Variants in LRRIQ1 observed in about 807,000 individuals in gnomAD.
LRRIQ1 encodes leucine-rich repeat- and IQ domain-containing protein 1.
A neutral mutation model predicts 211.9 loss-of-function variants in LRRIQ1; 210 were observed. The ratio of observed to expected loss-of-function variants is 0.99; its 90% CI spans 0.89 to 1.11. The LOEUF is 1.11. LRRIQ1 is among the 50% of genes most tolerant of loss of function. The pLI is 0.00. For missense variants in LRRIQ1, 2,136 were observed against 1,939.5 expected (o/e 1.10, Z -1.90); for synonymous variants, 699 against 650.1 (o/e 1.08, Z -1.14).
At chr12:85,073,234 A>G in intron 11 of LRRIQ1, 136 bp downstream of exon 11, 2 of 559,192 alleles carry the variant, frequency 3.6e-6, no homozygotes, top group Non-Finnish European at 6.0e-6. Flanking sequence ...TTTTCACAAA[A>G]TAAGCTTTAT....
chr12:85,103,180 C>T (rs1886518363), intron 13 of LRRIQ1, among the ~76,000 whole-genome samples: 1 of 150,156 alleles, frequency 6.7e-6, no homozygotes, highest in Admixed American at 6.7e-5. Context: ...TTTTTAATAT[C>T]ACTATTTTTG....
At chr12:85,227,637 C>T (rs1894727483) in intron 24 of LRRIQ1, among the ~76,000 whole-genome samples, 1 of 152,108 alleles carries the variant, frequency 6.6e-6, no homozygotes, top group African/African-American at 2.4e-5. Flanking sequence ...CATCAAGCTA[C>T]CAATGACTTT....
At chr12:85,260,527 C>T (rs891809799) in intron 1 of LRRIQ1, among the ~76,000 whole-genome samples, 3 of 152,092 alleles carry the variant, frequency 2.0e-5, no homozygotes, top group African/African-American at 7.2e-5. Flanking sequence ...AATCTGCTTA[C>T]TGTTTTATTA....
At position 85,038,269 on chromosome 12, in the gene LRRIQ1, T is replaced by G. The variant is rs772440195; in HGVS notation, c.93T>G (p.Ser31Arg). 33 of 1,582,930 alleles carry G rather than the reference T, an allele frequency of 2.1e-5. No individual in the cohort carries two copies. The highest frequency in any genetic ancestry group is 2.4e-5 in the Non-Finnish European group (28 of 1,163,148). ...ISSLEKEDIE[S>R]DAKSETQSDD... ...CCTTGGAAAAAGAAGACATTGAGAG[T>G]GATGCAAAATCAGAAACCCAGAGTG... The change falls in exon 2 of 27, where the codon AGT (serine) becomes AGG (arginine). Residue 31 changes from serine (S) to arginine (R), a missense_variant. By Grantham distance (110) the Ser-to-Arg change is moderately radical. Coordinates refer to ENST00000393217, the MANE Select transcript of LRRIQ1 (RefSeq NM_001079910.2).
chr12:85,249,484 G>T (rs1322004330), downstream of LRRIQ1, among the ~76,000 whole-genome samples: 1 of 151,734 alleles, frequency 6.6e-6, no homozygotes, highest in Non-Finnish European at 1.5e-5. Flanking sequence ...GTGAACTCAA[G>T]AACTATCATT....
At chr12:85,058,158 T>G (rs1881350154) in intron 8 of LRRIQ1, among the ~76,000 whole-genome samples, 1 of 151,984 alleles carries the variant, frequency 6.6e-6, no homozygotes, top group Non-Finnish European at 1.5e-5. Context: ...GAGTATCCTG[T>G]GAGAGAATAA....
intron 24 of LRRIQ1, among the ~76,000 whole-genome samples, chr12:85,188,154 A>G (rs1050377382): frequency 2.6e-5 from 4 of 152,084 alleles, no homozygotes; most frequent in African/African-American, 9.7e-5. Context: ...GTAAAAAAAA[A>G]AAAATCAAGT....
downstream of LRRIQ1, among the ~76,000 whole-genome samples, chr12:85,266,524 C>G (rs1896424285): frequency 6.6e-6 from 1 of 152,094 alleles, no homozygotes; most frequent in South Asian, 2.1e-4. Flanking sequence ...AGAATTTTAC[C>G]CAAACCAAAA....
chr12:85,200,847 T>C (rs1893252950), intron 24 of LRRIQ1, among the ~76,000 whole-genome samples: 1 of 151,734 alleles, frequency 6.6e-6, no homozygotes. Context: ...TGAGACAGGG[T>C]CTCACTCTGT....
At chr12:85,235,817 G>A (rs922196639) in intron 26 of LRRIQ1, among the ~76,000 whole-genome samples, 1 of 152,160 alleles carries the variant, frequency 6.6e-6, no homozygotes. Context: ...AATGGTTGTT[G>A]CAAGCCTGAT....
chr12:85,133,305 G>A (rs1448183624), intron 18 of LRRIQ1, among the ~76,000 whole-genome samples: 2 of 152,044 alleles, frequency 1.3e-5, no homozygotes, highest in East Asian at 3.9e-4. Context: ...AAAGAAAGTT[G>A]TATCAGTAAA....
intron 24 of LRRIQ1, among the ~76,000 whole-genome samples, chr12:85,226,223 A>G (rs919758165): frequency 6.6e-6 from 1 of 152,188 alleles, no homozygotes; most frequent in Admixed American, 6.5e-5. Context: ...ATATGTCACT[A>G]TTTTTAAGAA....
At chr12:85,234,741 T>A (rs1895096094) in intron 26 of LRRIQ1, among the ~76,000 whole-genome samples, 1 of 152,142 alleles carries the variant, frequency 6.6e-6, no homozygotes, top group South Asian at 2.1e-4. Flanking sequence ...TAGTATAAGA[T>A]TCTTAAAAAT....
At position 85,160,624 on chromosome 12, in the gene LRRIQ1, C is replaced by T. The variant is rs10161468; in HGVS notation, c.4732C>T (p.Arg1578Cys). 1,198 of 1,601,144 alleles carry T rather than the reference C, an allele frequency of 7.5e-4. 6 individuals carry two copies. In the African/African-American group the frequency reaches 0.012, roughly 17 times the overall value. ...KLKKKIDSTVRLALFKNNENK... is the reference protein window; with the variant it reads ...KLKKKIDSTVCLALFKNNENK... ...TTCGTTTTGTTTAGATTCCACTGTG[C>T]GTCTAGCCTTATTCAAAAACAATGA... The change falls in exon 24 of 27, where the codon CGT becomes TGT. Residue 1578 changes from arginine to cysteine, a missense_variant. By Grantham distance (180) the Arg-to-Cys change is radical. Transcript: ENST00000393217.
chr12:85,230,497 C>T (rs555512609), intron 25 of LRRIQ1, among the ~76,000 whole-genome samples: 2 of 152,270 alleles, frequency 1.3e-5, no homozygotes, highest in East Asian at 1.9e-4. Context: ...CCTATATGAT[C>T]TTATCTACCT....
intron 11 of LRRIQ1, among the ~76,000 whole-genome samples, chr12:85,076,003 C>CCTTATT (rs1254847234): frequency 6.6e-6 from 1 of 151,956 alleles, no homozygotes; most frequent in African/African-American, 2.4e-5. Context: ...TTTTAAATTA[C>CCTTATT]CTTATTCTTC....
chr12:85,179,509 G>A (rs568748953), intron 24 of LRRIQ1, among the ~76,000 whole-genome samples: 1 of 152,034 alleles, frequency 6.6e-6, no homozygotes, highest in Admixed American at 6.6e-5. Flanking sequence ...GAAGGTGATG[G>A]TAGAAAGTGG....
rs371775430 is a variant in LRRIQ1 at position 85,047,412 on chromosome 12, G to A, written c.620G>A (p.Arg207Gln). 45 of 1,612,864 alleles carry A rather than the reference G, an allele frequency of 2.8e-5. No homozygotes were observed. Among genetic ancestry groups the A allele is most frequent in the Non-Finnish European group, 3.6e-5 (42 of 1,179,254 alleles). Reference sequence around the variant, plus strand: ...CAATTTCAAGAAGAAGAAGAAAAGCGACATTGCTGGATGAAACAATTTAAA... The same window carrying A: ...CAATTTCAAGAAGAAGAAGAAAAGCAACATTGCTGGATGAAACAATTTAAA... ...EKQFQEEEEK[R>Q]HCWMKQFKVE... Residue 207 changes from arginine to glutamine, a missense_variant, in exon 6 of 27, where the codon CGA (arginine) becomes CAA (glutamine). Transcript: ENST00000393217.
intron 3 of LRRIQ1, 99 bp downstream of exon 3, chr12:85,040,700 T>G: frequency 3.3e-6 from 2 of 608,992 alleles, no homozygotes; most frequent in Non-Finnish European, 5.8e-6. Flanking sequence ...TATCTCTTAC[T>G]GTGCACATGT....
Sources: gnomAD v4.1 joint callset for allele counts (sites outside exome capture counted in the v4.1 genomes callset) on GRCh38, gnomAD v4.1.1 for gene constraint, MANE v1.5 for transcripts, NCBI Gene and HGNC (gene_info 2026-07-23, HGNC 2026-07-21) for gene names.